ZNF804B: variants seen among roughly 807,000 people sequenced by gnomAD.
The protein encoded by ZNF804B is zinc finger 804B.
ZNF804B carries 80 observed loss-of-function variants against 101.4 expected under a neutral mutation model. The ratio of observed to expected loss-of-function variants is 0.79; its 90% CI spans 0.66 to 0.95. The LOEUF (loss-of-function observed/expected upper bound fraction) is 0.95. Ranked by LOEUF, ZNF804B falls within the 40% of genes least tolerant of loss-of-function variation. The pLI, the probability that ZNF804B is intolerant of heterozygous loss-of-function variation, is 0.00. For missense variants in ZNF804B, 1,673 were observed against 1,561.9 expected (o/e 1.07, Z -1.20); for synonymous variants, 622 against 558.8 (o/e 1.11, Z -1.59).
At chr7:89,329,165 A>G (rs1029463139) in intron 3 of ZNF804B, among the ~76,000 whole-genome samples, 3 of 151,792 alleles carry the variant, frequency 2.0e-5, no homozygotes, top group African/African-American at 2.4e-5. Context: ...TGGTGATTTG[A>G]TAAAATAGGC....
chr7:89,082,057 T>G (rs1015988351), intron 1 of ZNF804B, among the ~76,000 whole-genome samples: 8 of 151,702 alleles, frequency 5.3e-5, no homozygotes, highest in Admixed American at 1.3e-4. Context: ...ATTTTGCAAC[T>G]TAAGTTATAT....
At chr7:88,903,707 T>C (rs1001807146) in intron 1 of ZNF804B, among the ~76,000 whole-genome samples, 2 of 152,202 alleles carry the variant, frequency 1.3e-5, no homozygotes, top group African/African-American at 4.8e-5. Context: ...TGATGATTAG[T>C]GACGATGACA....
chr7:88,969,795 G>T (rs1793505650), intron 1 of ZNF804B, among the ~76,000 whole-genome samples: 2 of 151,510 alleles, frequency 1.3e-5, no homozygotes, highest in Non-Finnish European at 3.0e-5. Context: ...TATCACACTG[G>T]TAGTCATTTT....
intron 1 of ZNF804B, among the ~76,000 whole-genome samples, chr7:89,156,170 G>A (rs1353682454): frequency 1.3e-5 from 2 of 151,300 alleles, no homozygotes; most frequent in East Asian, 2.0e-4. Context: ...CTGGAGTGCA[G>A]TGGCACAATC....
intron 1 of ZNF804B, among the ~76,000 whole-genome samples, chr7:89,153,198 T>TA (rs1422074310): frequency 6.6e-6 from 1 of 151,292 alleles, no homozygotes; most frequent in African/African-American, 2.4e-5. Context: ...TGAGGAGGGG[T>TA]AAAAAAAGAA....
chr7:89,160,437 C>G (rs1345170065), intron 1 of ZNF804B, among the ~76,000 whole-genome samples: 4 of 152,140 alleles, frequency 2.6e-5, no homozygotes, highest in African/African-American at 4.8e-5. Flanking sequence ...TCCAAGTTGT[C>G]TAAGTAACCT....
intron 1 of ZNF804B, among the ~76,000 whole-genome samples, chr7:89,103,963 T>G (rs1790097588): frequency 6.6e-6 from 1 of 151,990 alleles, no homozygotes; most frequent in Admixed American, 6.6e-5. Flanking sequence ...TATTAAATGC[T>G]TTTTCTGCAT....
intron 1 of ZNF804B, among the ~76,000 whole-genome samples, chr7:89,053,339 C>T (rs1436607137): frequency 2.0e-5 from 3 of 152,086 alleles, no homozygotes; most frequent in Non-Finnish European, 4.4e-5. Context: ...TCTTGTCACT[C>T]TCTCTTTACC....
At chr7:88,869,413 TAGTC>T (rs1481726122) in intron 1 of ZNF804B, among the ~76,000 whole-genome samples, 1 of 152,190 alleles carries the variant, frequency 6.6e-6, no homozygotes, top group Non-Finnish European at 1.5e-5. Flanking sequence ...ATTAAGAAGT[TAGTC>T]AGCCCTCCTT....
intron 1 of ZNF804B, among the ~76,000 whole-genome samples, chr7:89,175,149 G>A (rs2115562926): frequency 8.3e-6 from 1 of 121,010 alleles, no homozygotes; most frequent in East Asian, 2.1e-4. Flanking sequence ...ATAAATCTTT[G>A]CCCAGACTAA....
chr7:88,919,723 T>C (rs1374379715), intron 1 of ZNF804B, among the ~76,000 whole-genome samples: 2 of 151,964 alleles, frequency 1.3e-5, no homozygotes, highest in Non-Finnish European at 2.9e-5. Flanking sequence ...CACATTGTTA[T>C]CGTAGCATTT....
At chr7:89,181,544 C>T (rs1464405068) in intron 1 of ZNF804B, among the ~76,000 whole-genome samples, 1 of 152,178 alleles carries the variant, frequency 6.6e-6, no homozygotes, top group Admixed American at 6.5e-5. Context: ...ATTATTTCTT[C>T]GTGCCATGCA....
At chr7:88,971,779 C>T (rs1793541173) in intron 1 of ZNF804B, among the ~76,000 whole-genome samples, 1 of 151,496 alleles carries the variant, frequency 6.6e-6, no homozygotes, top group African/African-American at 2.4e-5. Flanking sequence ...ATTATTTAAA[C>T]AGAAAATGCA....
chr7:89,000,674 G>A (rs1187152518), intron 1 of ZNF804B, among the ~76,000 whole-genome samples: 1 of 151,472 alleles, frequency 6.6e-6, no homozygotes. Flanking sequence ...CCATTCTACT[G>A]TCTGTTTCAA....
Position 89,300,018 on chromosome 7 carries a change from G to T in ZNF804B, c.250-27326G>T, listed in dbSNP as rs193175571. Among the ~76,000 whole-genome samples, 223 of 151,594 alleles carry T rather than the reference G, an allele frequency of 1.5e-3. 1 individual carries two copies. Among genetic ancestry groups the T allele is most frequent in the Admixed American group, 2.3e-3 (35 of 15,154 alleles). ...TTAAGTATTCCCCAGCTAGCTCCATGTTGCCTCTCATTTTAGATCAGCACA... is the reference window on the plus strand; with the variant it reads ...TTAAGTATTCCCCAGCTAGCTCCATTTTGCCTCTCATTTTAGATCAGCACA... On this transcript the variant is annotated intron_variant, in intron 2 of 3. Coordinates refer to ENST00000333190, the MANE Select transcript of ZNF804B (RefSeq NM_181646.5).
rs531562426 is a variant in ZNF804B at position 89,153,356 on chromosome 7, A to G, written c.109-64799A>G. ...CGTCTCCCTGCTCCTTTCTTGTGGC[A>G]GTCAGGGACCGGTGAATCTGCTTCT... On this transcript the variant is annotated intron_variant, in intron 1 of 3. Transcript: ENST00000333190. Among the ~76,000 whole-genome samples the G allele has an allele frequency of 2.7e-4, 41 of 151,588 alleles. 1 individual carries two copies. Among genetic ancestry groups the G allele is most frequent in the Non-Finnish European group, 5.0e-4 (34 of 67,902 alleles).
At chr7:88,781,255 T>A (rs1790221060) in intron 1 of ZNF804B, among the ~76,000 whole-genome samples, 1 of 152,182 alleles carries the variant, frequency 6.6e-6, no homozygotes, top group Non-Finnish European at 1.5e-5. Flanking sequence ...AATTAAATGA[T>A]CAGGGTCTGG....
intron 1 of ZNF804B, among the ~76,000 whole-genome samples, chr7:88,961,132 C>A (rs544655412): frequency 6.6e-6 from 1 of 151,366 alleles, no homozygotes; most frequent in East Asian, 2.0e-4. Context: ...GAAAAAACAC[C>A]CAATTCTATT....
intron 1 of ZNF804B, among the ~76,000 whole-genome samples, chr7:88,837,278 T>G (rs961201292): frequency 4.6e-5 from 7 of 151,900 alleles, no homozygotes; most frequent in Non-Finnish European, 8.8e-5. Flanking sequence ...CAAGACAAAA[T>G]AAGTGATCAA....
Sources: allele counts gnomAD v4.1 joint callset (sites outside exome capture counted in the v4.1 genomes callset), GRCh38; gene constraint gnomAD v4.1.1; transcripts MANE v1.5; gene names NCBI Gene and HGNC (gene_info 2026-07-23, HGNC 2026-07-21).